LIG1: variants seen among roughly 807,000 people sequenced by gnomAD.
The protein encoded by LIG1 is ligase I, DNA, ATP-dependent.
LIG1 carries 70 observed loss-of-function variants against 115.7 expected under a neutral mutation model. The observed-to-expected ratio is 0.60, with a 90% CI of 0.50 to 0.74. The LOEUF (loss-of-function observed/expected upper bound fraction) is 0.74. Ranked by LOEUF, LIG1 falls within the 30% of genes least tolerant of loss-of-function variation. The pLI, the probability that LIG1 is intolerant of heterozygous loss-of-function variation, is 0.00. For synonymous variants in LIG1, 487 were observed against 495.3 expected (o/e 0.98, Z 0.22); for missense variants, 1,115 against 1,225.6 (o/e 0.91, Z 1.35).
At position 48,155,880 on chromosome 19, in the gene LIG1, G is replaced by A. The variant is rs546516808; in HGVS notation, c.370+1134C>T. 3.3e-5 allele frequency among the ~76,000 whole-genome samples: 5 copies of A among 152,180 alleles called. No individual in the cohort carries two copies. The East Asian group carries it at 7.7e-4, about 24-fold the overall frequency. Reference sequence around the variant, plus strand: ...TGTGGAAAAAGTGCAAAGTCTTTACGCACTGAATCACATATTAGCTTTCAA... The same window carrying A: ...TGTGGAAAAAGTGCAAAGTCTTTACACACTGAATCACATATTAGCTTTCAA... On this transcript the variant is annotated intron_variant, in intron 5 of 27. Coordinates refer to ENST00000263274, the MANE Select transcript of LIG1 (RefSeq NM_000234.3).
Position 48,123,398 on chromosome 19 carries a change from G to A in LIG1, c.2005-80C>T. On this transcript the variant is annotated intron_variant, in intron 21 of 27. Coordinates refer to ENST00000263274, the MANE Select transcript of LIG1 (RefSeq NM_000234.3). ...ATAAGCCCTAAATGTGAGGCGAACAGGACATGTGCGGGTCACAACTAGTGA... is the reference window on the plus strand; with the variant it reads ...ATAAGCCCTAAATGTGAGGCGAACAAGACATGTGCGGGTCACAACTAGTGA... 3.3e-6 allele frequency: 5 copies of A among 1,507,020 alleles called. No homozygotes were observed. The Admixed American group carries it at 8.7e-5, about 26-fold the overall frequency. The allele number at this position is 1,507,020 out of a possible 1,614,324, so 93.4% of individuals were successfully genotyped here. A position where few individuals can be genotyped will look rare whatever the true frequency, so the allele number is the denominator to read the frequency against.
intron 19 of LIG1, among the ~76,000 whole-genome samples, chr19:48,128,762 G>C (rs925605057): frequency 5.3e-5 from 8 of 152,162 alleles, no homozygotes; most frequent in Non-Finnish European, 1.2e-4. Flanking sequence ...CCAAGTCTAA[G>C]CCACACCTAT....
In LIG1 at chr19:48,150,760, C is replaced by A. The variant is rs753152779; in HGVS notation, c.574+472G>T. Among the ~76,000 whole-genome samples, 57 of 152,178 alleles carry A rather than the reference C, an allele frequency of 3.7e-4. 1 individual carries two copies. The highest frequency in any genetic ancestry group is 6.6e-4 in the Non-Finnish European group (45 of 68,014). ...TGGCCAAGGCTGGAGTGCAGTGGTG[C>A]GACCATAGGTCACTGCAACCTCCAC... is the stretch of plus-strand genomic sequence containing the variant. On this transcript the variant is annotated intron_variant, in intron 7 of 27. Transcript: ENST00000263274.
At chr19:48,153,765 CACACACA>C (rs2035644680) in intron 6 of LIG1, 100 bp downstream of exon 6, 3 of 538,146 alleles carry the variant, frequency 5.6e-6, no homozygotes, top group East Asian at 8.7e-5. Flanking sequence ...CACACACACA[CACACACA>C]CCTCTCCTTC....
At chr19:48,164,301 A>G (rs1355025509) in intron 2 of LIG1, among the ~76,000 whole-genome samples, 1 of 152,200 alleles carries the variant, frequency 6.6e-6, no homozygotes, top group African/African-American at 2.4e-5. Flanking sequence ...ATCACGGGAG[A>G]AAAACGGAAC....
At chr19:48,168,369 C>G (rs2036588086) in intron 1 of LIG1, among the ~76,000 whole-genome samples, 2 of 152,146 alleles carry the variant, frequency 1.3e-5, no homozygotes, top group South Asian at 4.1e-4. Context: ...TCAGGCAAGG[C>G]TTCAAAACCC....
chr19:48,122,012 GCACAA>G lies in LIG1; in HGVS notation c.2233-695_2233-691del, dbSNP rs2033317759. ...GCCAGGCAGAAGCTCAGCCCTGGGG[GCACAA>G]CAGTGCTATTTCCTGAGACAGGAAA... On this transcript the variant is annotated intron_variant, in intron 23 of 27. Coordinates refer to ENST00000263274, the MANE Select transcript of LIG1 (RefSeq NM_000234.3). The surrounding 1 kb of genome is among the most constrained non-coding windows in gnomAD (Gnocchi z 4.3). Among the ~76,000 whole-genome samples, 1 of 152,178 alleles carries G rather than the reference GCACAA, an allele frequency of 6.6e-6. No homozygotes were observed.
chr19:48,165,560 G>A lies in LIG1; in HGVS notation c.7C>T (p.Arg3Ter), dbSNP rs1281089379. 3.1e-6 allele frequency: 5 copies of A among 1,613,170 alleles called. No homozygotes were observed. Among genetic ancestry groups the A allele is most frequent in the African/African-American group, 1.3e-5 (1 of 74,990 alleles). Residue 3 changes from arginine to a stop codon, truncating the protein, a stop_gained, in exon 2 of 28, where the codon CGA becomes TGA. Coordinates refer to ENST00000263274, the MANE Select transcript of LIG1 (RefSeq NM_000234.3). LOFTEE classifies it high-confidence loss of function. MQ[R>*]SIMSFFHPKK... is the part of the protein sequence containing the mutation. Reference sequence around the variant, plus strand: ...AGGGAGGGTGCTCACATGATACTTCGCTGCATGTTGGCGTCAGAATTCTCC... The same window carrying A: ...AGGGAGGGTGCTCACATGATACTTCACTGCATGTTGGCGTCAGAATTCTCC...
intron 26 of LIG1, 145 bp downstream of exon 26, chr19:48,117,493 T>C: frequency 1.1e-6 from 1 of 931,754 alleles, no homozygotes; most frequent in South Asian, 1.6e-5. Flanking sequence ...GATCTTTTTA[T>C]CTGACACTCA....
In LIG1 at chr19:48,117,883, AC is replaced by A. The variant is rs1379249542; in HGVS notation, c.2440-103del. The A allele has an allele frequency of 8.0e-6, 10 of 1,252,308 alleles. No individual in the cohort carries two copies. The Middle Eastern group carries it at 5.7e-4, about 71-fold the overall frequency. The allele number at this position is 1,252,308 out of a possible 1,614,324, so 77.6% of individuals were successfully genotyped here. Reference sequence around the variant, plus strand: ...GAGGGAGGAAGGGAAAAAAACAGGCACCCCCTTGAAGTAAACAGAAATAGGA... The same window carrying A: ...GAGGGAGGAAGGGAAAAAAACAGGCACCCCTTGAAGTAAACAGAAATAGGA... On this transcript the variant is annotated intron_variant, in intron 25 of 27. Coordinates refer to ENST00000263274, the MANE Select transcript of LIG1 (RefSeq NM_000234.3).
At chr19:48,140,213 G>GTTGGT in intron 11 of LIG1, 70 bp from the exon 12 acceptor site, 2 of 672,846 alleles carry the variant, frequency 3.0e-6, no homozygotes, top group Non-Finnish European at 5.1e-6. Context: ...GGTGGGGTGG[G>GTTGGT]TTTAAGGGGG....
At chr19:48,130,761 A>G (rs2033965814) in intron 19 of LIG1, among the ~76,000 whole-genome samples, 1 of 151,784 alleles carries the variant, frequency 6.6e-6, no homozygotes, top group Non-Finnish European at 1.5e-5. Flanking sequence ...TGTTTGGGAA[A>G]CTCTAAGGGG....
chr19:48,169,928 C>T (rs2036709903), intron 1 of LIG1: 1 of 157,466 alleles, frequency 6.4e-6, no homozygotes, highest in Non-Finnish European at 1.4e-5. Flanking sequence ...CCCGGCCCCG[C>T]CCCTCAGTTC....
At chr19:48,127,175 T>G in intron 21 of LIG1, 102 bp downstream of exon 21, 3 of 942,084 alleles carry the variant, frequency 3.2e-6, no homozygotes, top group Non-Finnish European at 5.2e-6. Flanking sequence ...CCTGGCCATG[T>G]GAAGTGGCAG....
chr19:48,157,241 C>T, intron 4 of LIG1, 101 bp from the exon 5 acceptor site: 1 of 1,312,340 alleles, frequency 7.6e-7, no homozygotes, highest in South Asian at 1.5e-5. Context: ...TGTCTACCCT[C>T]CTTTCTGACC....
At chr19:48,151,732 T>C (rs1041302352) in intron 6 of LIG1, among the ~76,000 whole-genome samples, 2 of 152,184 alleles carry the variant, frequency 1.3e-5, no homozygotes, top group Non-Finnish European at 2.9e-5. Flanking sequence ...CAATCCAATG[T>C]GCCTGTAAAG....
At chr19:48,157,198 A>G (rs1777544944) in intron 4 of LIG1, 58 bp from the exon 5 acceptor site, 4 of 1,553,276 alleles carry the variant, frequency 2.6e-6, no homozygotes, top group Middle Eastern at 1.8e-4. Flanking sequence ...TCCATTTTCC[A>G]AAAGTTGAGA....
intron 4 of LIG1, 84 bp downstream of exon 4, chr19:48,161,288 C>A: frequency 6.9e-6 from 11 of 1,585,446 alleles, no homozygotes; most frequent in Non-Finnish European, 9.5e-6. Context: ...CCAGAATTCT[C>A]CTGAACAGCT....
At chr19:48,136,923 T>G in intron 14 of LIG1, 85 bp downstream of exon 14, 2 of 1,090,166 alleles carry the variant, frequency 1.8e-6, no homozygotes, top group Non-Finnish European at 1.4e-6. Context: ...AGGGCATTTG[T>G]GATGATTCCA....
Sources: gnomAD v4.1 joint callset for allele counts (sites outside exome capture counted in the v4.1 genomes callset) on GRCh38, gnomAD v4.1.1 for gene constraint, Gnocchi (gnomAD v3.1) non-coding constraint, MANE v1.5 for transcripts, NCBI Gene and HGNC (gene_info 2026-07-23, HGNC 2026-07-21) for gene names.